STX2: variants seen among roughly 807,000 people sequenced by gnomAD.
STX2 encodes syntaxin 2.
STX2 carries 27 observed loss-of-function variants against 40.6 expected under a neutral mutation model. The observed-to-expected ratio is 0.66, with a 90% CI of 0.49 to 0.92. The LOEUF (loss-of-function observed/expected upper bound fraction) is 0.92. Ranked by LOEUF, STX2 falls within the 40% of genes least tolerant of loss-of-function variation. The probability of loss-of-function intolerance (pLI) is 0.00; values close to 1 mark genes in which losing one functional copy is unlikely to be tolerated. For synonymous variants in STX2, 123 were observed against 119.1 expected (o/e 1.03, Z -0.22); for missense variants, 328 against 366.1 (o/e 0.90, Z 0.85).
intron 10 of STX2, among the ~76,000 whole-genome samples, chr12:130,793,470 TCTC>T (rs1273515446): frequency 6.6e-6 from 1 of 152,170 alleles, no homozygotes; most frequent in East Asian, 1.9e-4. Flanking sequence ...CGTGCTCTCA[TCTC>T]CTGCTGCTGT....
chr12:130,790,270 G>A lies in STX2; in HGVS notation c.*1753C>T, dbSNP rs1449951150. ...ATGGATGAGGGAGATTCGGAATTGT[G>A]TTAAGTAAGGGACGCGGCTTCTGAG... On this transcript the variant is annotated 3_prime_UTR_variant, in exon 11 of 11. Coordinates refer to ENST00000392373, the MANE Select transcript of STX2 (RefSeq NM_194356.4). 6.6e-6 allele frequency: 1 copy of A among 152,202 alleles called. No homozygotes were observed. Among genetic ancestry groups the A allele is most frequent in the African/African-American group, 2.4e-5 (1 of 41,450 alleles). The allele number at this position is 152,202 out of a possible 1,614,324, so 9.4% of individuals were successfully genotyped here.
chr12:130,804,205 T>C (rs1440234103), intron 6 of STX2, among the ~76,000 whole-genome samples: 1 of 152,108 alleles, frequency 6.6e-6, no homozygotes, highest in Non-Finnish European at 1.5e-5. Context: ...GGAAAAGATA[T>C]CCTGTGATAC....
At chr12:130,828,389 G>A (rs7134049) in intron 1 of STX2, among the ~76,000 whole-genome samples, 24,751 of 122,450 alleles carry the variant, frequency 0.2, 2,552 homozygotes, top group Middle Eastern at 0.29. Flanking sequence ...CACCACACCC[G>A]GCTTTTTTTT....
intron 2 of STX2, among the ~76,000 whole-genome samples, chr12:130,824,928 AC>A (rs1214753583): frequency 1.3e-5 from 2 of 152,100 alleles, no homozygotes; most frequent in African/African-American, 4.8e-5. Context: ...AGTACGAGTA[AC>A]CTGTTTCCCA....
At chr12:130,801,375 A>G (rs369876672) in intron 7 of STX2, 40 bp downstream of exon 7, 9 of 1,597,874 alleles carry the variant, frequency 5.6e-6, no homozygotes, top group Non-Finnish European at 7.7e-6. Flanking sequence ...CTCTGTCTAC[A>G]GAAGAGGACA....
In STX2 at chr12:130,828,257, C is replaced by T. The variant is rs758264340; in HGVS notation, c.31-990G>A. On this transcript the variant is annotated intron_variant, in intron 1 of 10. Coordinates refer to ENST00000392373, the MANE Select transcript of STX2 (RefSeq NM_194356.4). ...TTTTGGAAACAAAGTCTCACTCTGT[C>T]GCCCAGGCTGGAGTGTGGAGTGTGC... 3.3e-5 allele frequency among the ~76,000 whole-genome samples: 5 copies of T among 152,086 alleles called. No homozygotes were observed. The East Asian group carries it at 7.8e-4, about 24-fold the overall frequency.
chr12:130,818,183 AAAAT>A (rs1327573758), intron 3 of STX2, among the ~76,000 whole-genome samples: 28 of 20,336 alleles, frequency 1.4e-3, no homozygotes, highest in African/African-American at 4.3e-3. Context: ...AAAAAAAAAA[AAAAT>A]ATATATATAT....
chr12:130,817,873 C>A (rs1951919004), intron 3 of STX2, among the ~76,000 whole-genome samples: 1 of 124,656 alleles, frequency 8.0e-6, no homozygotes, highest in African/African-American at 2.6e-5. Flanking sequence ...AATAGCGAAT[C>A]TTCACTGAAG....
intron 10 of STX2, 101 bp downstream of exon 10, chr12:130,795,894 C>G: frequency 7.1e-7 from 1 of 1,400,320 alleles, no homozygotes; most frequent in Non-Finnish European, 9.4e-7. Context: ...TACTGCGTGG[C>G]TGGCAAGCTT....
At chr12:130,820,848 G>A (rs571837158) in intron 3 of STX2, among the ~76,000 whole-genome samples, 1 of 152,154 alleles carries the variant, frequency 6.6e-6, no homozygotes, top group East Asian at 1.9e-4. Context: ...CCATTTTCAT[G>A]GATTCAAAGA....
intron 3 of STX2, among the ~76,000 whole-genome samples, chr12:130,821,244 G>A (rs568571307): frequency 8.5e-5 from 13 of 152,204 alleles, no homozygotes; most frequent in South Asian, 2.1e-4. Context: ...GCCACTGAGC[G>A]CAGCACAGTC....
At position 130,790,989 on chromosome 12, in the gene STX2, G is replaced by A. The variant is rs1478110112; in HGVS notation, c.*1034C>T. The A allele has an allele frequency of 6.6e-6, 1 of 152,464 alleles. No individual in the cohort carries two copies. The highest frequency in any genetic ancestry group is 6.6e-5 in the Admixed American group (1 of 15,256). 9.4% of individuals were successfully genotyped at this position (152,464 alleles called of 1,614,324 possible). Reference sequence around the variant, plus strand: ...AACTTTAAACAACTGTACAAAGGTGGCTCCAACACCATGAAGCTTCCTATT... The same window carrying A: ...AACTTTAAACAACTGTACAAAGGTGACTCCAACACCATGAAGCTTCCTATT... On this transcript the variant is annotated 3_prime_UTR_variant, in exon 11 of 11. Transcript: ENST00000392373.
chr12:130,795,584 T>A (rs545347470), intron 10 of STX2, among the ~76,000 whole-genome samples: 16 of 152,152 alleles, frequency 1.1e-4, no homozygotes, highest in African/African-American at 3.4e-4. Flanking sequence ...AATAATTTTT[T>A]TAAAAATTAG....
chr12:130,813,582 C>A (rs755459189), intron 3 of STX2, among the ~76,000 whole-genome samples: 1 of 152,100 alleles, frequency 6.6e-6, no homozygotes, highest in Non-Finnish European at 1.5e-5. Flanking sequence ...AAGCAGGGGG[C>A]GATGGAGGCA....
At chr12:130,793,724 A>C (rs1593105892) in intron 10 of STX2, among the ~76,000 whole-genome samples, 1 of 151,980 alleles carries the variant, frequency 6.6e-6, no homozygotes. Flanking sequence ...AGCCCATCCC[A>C]CCCATGCTCC....
chr12:130,823,039 A>T lies in STX2; in HGVS notation c.106-1251T>A, dbSNP rs906100004. On this transcript the variant is annotated intron_variant, in intron 2 of 10. Transcript: ENST00000392373. ...AATTATAGGCCAGGCACAGTGGCTC[A>T]TGCCTGTAATCCCAGCACTTTGGGA... 2.0e-5 allele frequency among the ~76,000 whole-genome samples: 3 copies of T among 152,202 alleles called. No individual in the cohort carries two copies. In the East Asian group the frequency reaches 5.8e-4, roughly 29 times the overall value.
chr12:130,824,423 A>C (rs1952224070), intron 2 of STX2, among the ~76,000 whole-genome samples: 1 of 152,190 alleles, frequency 6.6e-6, no homozygotes, highest in Non-Finnish European at 1.5e-5. Context: ...AAAGTAATAC[A>C]CATATGTTAG....
At position 130,790,145 on chromosome 12, in the gene STX2, C is replaced by G. The variant is rs1222222873; in HGVS notation, c.*1878G>C. On this transcript the variant is annotated 3_prime_UTR_variant, in exon 11 of 11. Transcript: ENST00000392373. ...ACAAATCAGTGAGCACATCCCACGA[C>G]AGGGTGTTTAAAGACCAAAAGAAAA... 3 of 152,218 alleles carry G rather than the reference C, an allele frequency of 2.0e-5. No homozygotes were observed. Among genetic ancestry groups the G allele is most frequent in the African/African-American group, 7.2e-5 (3 of 41,444 alleles). 9.4% of individuals were successfully genotyped at this position (152,218 alleles called of 1,614,324 possible).
chr12:130,797,853 C>T (rs1432590546), intron 9 of STX2, among the ~76,000 whole-genome samples: 1 of 152,238 alleles, frequency 6.6e-6, no homozygotes, highest in Non-Finnish European at 1.5e-5. Flanking sequence ...CTACCTAAGA[C>T]TGCAGGTCCA....
Sources: allele counts gnomAD v4.1 joint callset (sites outside exome capture counted in the v4.1 genomes callset), GRCh38; gene constraint gnomAD v4.1.1; transcripts MANE v1.5; gene names NCBI Gene and HGNC (gene_info 2026-07-23, HGNC 2026-07-21).